The following EPHA6 variants were observed in gnomAD, a reference collection of about 807,000 sequenced individuals.
EPHA6 encodes the protein ephrin type-A receptor 6.
Under a neutral mutation model 112.0 loss-of-function variants are expected in EPHA6, and 50 were observed. The observed-to-expected ratio is 0.45, with a 90% CI of 0.36 to 0.56. The LOEUF (loss-of-function observed/expected upper bound fraction) is 0.56, where lower values mean the gene tolerates loss of function less well. Ranked by LOEUF, EPHA6 falls within the 20% of genes least tolerant of loss-of-function variation. EPHA6 has a pLI of 0.00. For synonymous variants in EPHA6, 529 were observed against 490.7 expected, an observed-to-expected ratio of 1.08 and a Z score of -1.03; for missense variants, 1,280 against 1,417.4, an observed-to-expected ratio of 0.90 and a Z score of 1.56.
intron 2 of EPHA6, among the ~76,000 whole-genome samples, chr3:96,884,796 T>G (rs1559800063): frequency 7.2e-5 from 11 of 152,218 alleles, no homozygotes; most frequent in African/African-American, 2.4e-4. Flanking sequence ...ATCCTTATCT[T>G]GTTCCAGTTC....
rs538461055 is a variant in EPHA6 at position 96,923,495 on chromosome 3, C to A, written c.450+56606C>A. Among the ~76,000 whole-genome samples, 7 of 150,080 alleles carry A rather than the reference C, an allele frequency of 4.7e-5. No individual in the cohort carries two copies. In the East Asian group the frequency reaches 1.4e-3, roughly 29 times the overall value. Reference sequence around the variant, plus strand: ...CTACTATTTAAGGTTTTTTTTTTTCCTTTAGTTTCTTTAAATACCTTGTAG... The same window carrying A: ...CTACTATTTAAGGTTTTTTTTTTTCATTTAGTTTCTTTAAATACCTTGTAG... On this transcript the variant is annotated intron_variant, in intron 2 of 17. Coordinates refer to ENST00000389672, the MANE Select transcript of EPHA6 (RefSeq NM_001080448.3).
chr3:97,186,314 A>T (rs1291387882), intron 3 of EPHA6, among the ~76,000 whole-genome samples: 1 of 152,122 alleles, frequency 6.6e-6, no homozygotes, highest in East Asian at 1.9e-4. Context: ...GACTAATCTA[A>T]TGCAGGCTGG....
Position 96,901,488 on chromosome 3 carries a change from T to C in EPHA6, c.450+34599T>C, listed in dbSNP as rs1382135932. ...AATCTGGGAAAAGATTTTTTTTTTT[T>C]ACTTGATATTCTGTAGAAGATGTTT... is the stretch of plus-strand genomic sequence containing the variant. On this transcript the variant is annotated intron_variant, in intron 2 of 17. Coordinates refer to ENST00000389672, the MANE Select transcript of EPHA6 (RefSeq NM_001080448.3). Among the ~76,000 whole-genome samples, 5 of 150,364 alleles carry C rather than the reference T, an allele frequency of 3.3e-5. No homozygotes were observed. The South Asian group carries it at 8.4e-4, about 25-fold the overall frequency.
intron 2 of EPHA6, among the ~76,000 whole-genome samples, chr3:96,878,610 A>G (rs887246947): frequency 6.6e-6 from 1 of 152,114 alleles, no homozygotes; most frequent in Non-Finnish European, 1.5e-5. Flanking sequence ...AATATTGTAC[A>G]TTTGACAACA....
chr3:97,094,987 TTCTTA>T (rs10554410), intron 3 of EPHA6, among the ~76,000 whole-genome samples: 4,839 of 152,198 alleles, frequency 0.032, 288 homozygotes, highest in African/African-American at 0.11. Context: ...AGTTTTAGTT[TTCTTA>T]TCTTTAAGAT....
At chr3:96,889,503 C>G (rs1258645599) in intron 2 of EPHA6, among the ~76,000 whole-genome samples, 1 of 152,114 alleles carries the variant, frequency 6.6e-6, no homozygotes, top group South Asian at 2.1e-4. Flanking sequence ...GAAATCAAAG[C>G]AGAAACCCCT....
chr3:97,537,611 C>A (rs191178455), intron 11 of EPHA6, among the ~76,000 whole-genome samples: 20 of 152,262 alleles, frequency 1.3e-4, no homozygotes, highest in African/African-American at 4.3e-4. Flanking sequence ...CGGAGTTTCA[C>A]TCTGTCACCC....
At chr3:97,181,872 A>G (rs2076997555) in intron 3 of EPHA6, among the ~76,000 whole-genome samples, 1 of 152,074 alleles carries the variant, frequency 6.6e-6, no homozygotes, top group African/African-American at 2.4e-5. Flanking sequence ...CGATGGCTCC[A>G]CTGCACAGTG....
chr3:97,020,911 A>AT (rs147698536), intron 3 of EPHA6, among the ~76,000 whole-genome samples: 9,660 of 151,086 alleles, frequency 0.064, 698 homozygotes, highest in East Asian at 0.39. Context: ...CCAAGGTTTG[A>AT]TTTTTTTTTT....
chr3:96,931,739 G>A (rs2040336100), intron 2 of EPHA6, among the ~76,000 whole-genome samples: 1 of 152,214 alleles, frequency 6.6e-6, no homozygotes, highest in Non-Finnish European at 1.5e-5. Context: ...CCATTGGCTG[G>A]CTGGAATTTC....
rs146312047 is a variant in EPHA6, at chr3:97,456,727, T to G, written c.1894+7997T>G. ...TAACCCACACTAGAGATAAGAGAGT[T>G]CCTGATTTATGTCATTCCCAAAGTC... On this transcript the variant is annotated intron_variant, in intron 7 of 17. Coordinates refer to ENST00000389672, the MANE Select transcript of EPHA6 (RefSeq NM_001080448.3). Among the ~76,000 whole-genome samples, 1,191 of 152,254 alleles carry G rather than the reference T, an allele frequency of 7.8e-3. 14 individuals are homozygous for G. The highest frequency in any genetic ancestry group is 0.028 in the African/African-American group (1,143 of 41,546).
chr3:97,092,701 A>G (rs2047111271), intron 3 of EPHA6, among the ~76,000 whole-genome samples: 2 of 152,048 alleles, frequency 1.3e-5, no homozygotes, highest in Non-Finnish European at 1.5e-5. Flanking sequence ...GGAAGAAGCC[A>G]TATTATAATA....
chr3:97,251,726 T>A (rs2079148557), intron 5 of EPHA6, among the ~76,000 whole-genome samples: 1 of 152,210 alleles, frequency 6.6e-6, no homozygotes, highest in Non-Finnish European at 1.5e-5. Context: ...TCCTCTGCAC[T>A]TTTCTATTTC....
intron 1 of EPHA6, among the ~76,000 whole-genome samples, chr3:96,861,865 A>T (rs1418926369): frequency 6.6e-6 from 1 of 152,006 alleles, no homozygotes; most frequent in Admixed American, 6.6e-5. Flanking sequence ...TTATCTTAAA[A>T]TATTCCAAGT....
chr3:97,035,685 C>T (rs1051881614), intron 3 of EPHA6, among the ~76,000 whole-genome samples: 2 of 151,698 alleles, frequency 1.3e-5, no homozygotes, highest in Middle Eastern at 6.3e-3. Context: ...ACTGATGGTT[C>T]TTCATTTATT....
chr3:96,959,610 T>G lies in EPHA6; in HGVS notation c.451-27720T>G, dbSNP rs1367617188. ...AAAGATTTACTCCCATAAATTCTTT[T>G]AAGATTTTTATAGTTTAGCTTTTAT... On this transcript the variant is annotated intron_variant, in intron 2 of 17. Coordinates refer to ENST00000389672, the MANE Select transcript of EPHA6 (RefSeq NM_001080448.3). Among the ~76,000 whole-genome samples the G allele has an allele frequency of 2.0e-5, 3 of 152,130 alleles. No individual in the cohort carries two copies. The East Asian group carries it at 5.8e-4, about 29-fold the overall frequency.
intron 1 of EPHA6, among the ~76,000 whole-genome samples, chr3:96,825,611 T>C (rs2033606093): frequency 6.6e-6 from 1 of 151,904 alleles, no homozygotes; most frequent in South Asian, 2.1e-4. Flanking sequence ...CTTTAGAAAT[T>C]AGGTAAATTG....
At position 96,930,917 on chromosome 3, in the gene EPHA6, G is replaced by A. The variant is rs1005320619; in HGVS notation, c.451-56413G>A. On this transcript the variant is annotated intron_variant, in intron 2 of 17. Transcript: ENST00000389672. ...CGAGACAGGAGAATCACTTGAACCT[G>A]GGAGGCGGAGGTTGTGGTGAGCCAA... Among the ~76,000 whole-genome samples, 4 of 149,846 alleles carry A rather than the reference G, an allele frequency of 2.7e-5. No homozygotes were observed. The East Asian group carries it at 7.9e-4, about 30-fold the overall frequency.
intron 3 of EPHA6, among the ~76,000 whole-genome samples, chr3:97,217,097 G>A (rs2078055665): frequency 6.6e-6 from 1 of 152,058 alleles, no homozygotes; most frequent in Non-Finnish European, 1.5e-5. Flanking sequence ...AAATTTTTAG[G>A]CCCTGGCACA....
Sources: allele counts gnomAD v4.1 joint callset (sites outside exome capture counted in the v4.1 genomes callset), GRCh38; gene constraint gnomAD v4.1.1; transcripts MANE v1.5; gene names NCBI Gene and HGNC (gene_info 2026-07-23, HGNC 2026-07-21).